The following ATF7IP variants were observed in gnomAD, a reference collection of about 807,000 sequenced individuals.
ATF7IP encodes activating transcription factor 7-interacting protein 1.
Under a neutral mutation model 106.4 loss-of-function variants are expected in ATF7IP, and 23 were observed. The observed-to-expected ratio is 0.22, with a 90% CI of 0.16 to 0.31. ATF7IP has a LOEUF of 0.31. Among genes scored for constraint, ATF7IP ranks in the 10% least tolerant of loss-of-function variants. ATF7IP has a pLI of 1.00. For synonymous variants in ATF7IP, 542 were observed against 539.0 expected (o/e 1.01, Z -0.08); for missense variants, 1,334 against 1,524.3 (o/e 0.88, Z 2.08).
At chr12:14,486,815 G>C (rs528788120) in intron 13 of ATF7IP, among the ~76,000 whole-genome samples, 40 of 152,006 alleles carry the variant, frequency 2.6e-4, no homozygotes, top group African/African-American at 9.2e-4. Context: ...AAATTTTGTA[G>C]TTCAGTGACT....
chr12:14,409,359 A>G (rs890462988), intron 1 of ATF7IP, among the ~76,000 whole-genome samples: 20 of 151,886 alleles, frequency 1.3e-4, no homozygotes, highest in African/African-American at 3.6e-4. Context: ...AAAAACATTT[A>G]TCATCATTAA....
At chr12:14,417,644 T>C (rs1425870796) in intron 1 of ATF7IP, among the ~76,000 whole-genome samples, 5 of 152,194 alleles carry the variant, frequency 3.3e-5, no homozygotes, top group Middle Eastern at 3.2e-3. Flanking sequence ...TATATTAATG[T>C]ATATTTCTTG....
At chr12:14,488,136 C>G (rs1944687408) in intron 13 of ATF7IP, among the ~76,000 whole-genome samples, 1 of 152,058 alleles carries the variant, frequency 6.6e-6, no homozygotes, top group Non-Finnish European at 1.5e-5. Flanking sequence ...ACCCCCAATC[C>G]TGGTACCAAA....
chr12:14,462,958 A>G (rs1425501031), intron 9 of ATF7IP, among the ~76,000 whole-genome samples: 1 of 152,062 alleles, frequency 6.6e-6, no homozygotes, highest in South Asian at 2.1e-4. Flanking sequence ...TATTTTTTTC[A>G]TAATGCTAAC....
At chr12:14,487,718 G>A (rs368954287) in intron 13 of ATF7IP, among the ~76,000 whole-genome samples, 34 of 152,282 alleles carry the variant, frequency 2.2e-4, no homozygotes, top group African/African-American at 7.7e-4. Flanking sequence ...CTCTATAGGA[G>A]ATAACTGTCT....
intron 1 of ATF7IP, chr12:14,395,108 T>A (rs925986320): frequency 1.3e-5 from 2 of 152,088 alleles, no homozygotes; most frequent in Admixed American, 6.5e-5. Flanking sequence ...GTTTTTTTTT[T>A]AATGAATATG....
chr12:14,426,823 C>CAAAAAAAAAAAAAAAA (rs1491532843), intron 2 of ATF7IP, among the ~76,000 whole-genome samples: 1 of 16,022 alleles, frequency 6.2e-5, no homozygotes. Flanking sequence ...GACCCTGCCT[C>CAAAAAAAAAAAAAAAA]AAAAAAAAAA....
At chr12:14,496,894 A>G (rs1945027678) in intron 14 of ATF7IP, among the ~76,000 whole-genome samples, 1 of 152,216 alleles carries the variant, frequency 6.6e-6, no homozygotes, top group African/African-American at 2.4e-5. Context: ...ATGATGTTCC[A>G]GTGTTAGAAA....
chr12:14,481,734 C>G (rs1944436570), intron 13 of ATF7IP: 1 of 272,514 alleles, frequency 3.7e-6, no homozygotes, highest in Non-Finnish European at 7.3e-6. Flanking sequence ...ATATTCTCTA[C>G]TCTATTAAGA....
intron 9 of ATF7IP, 134 bp from the exon 10 acceptor site, chr12:14,466,392 T>G: frequency 1.4e-6 from 1 of 698,874 alleles, no homozygotes; most frequent in Non-Finnish European, 2.5e-6. Context: ...TCTGTGAATT[T>G]GAGTTTTTAT....
At chr12:14,372,279 A>G (rs1591752389) in intron 1 of ATF7IP, among the ~76,000 whole-genome samples, 1 of 152,242 alleles carries the variant, frequency 6.6e-6, no homozygotes, top group South Asian at 2.1e-4. Context: ...TTCAGCTTGC[A>G]TGGTGGAAAC....
intron 7 of ATF7IP, 83 bp from the exon 8 acceptor site, chr12:14,457,124 G>C (rs1943458276): frequency 8.5e-7 from 1 of 1,180,632 alleles, no homozygotes; most frequent in Non-Finnish European, 1.2e-6. Context: ...TTTCCCCTGT[G>C]GGCCACTGCT....
chr12:14,421,891 C>T (rs1028006387), intron 1 of ATF7IP, among the ~76,000 whole-genome samples: 2 of 152,070 alleles, frequency 1.3e-5, no homozygotes, highest in African/African-American at 4.8e-5. Context: ...TTTTTCTAAG[C>T]GAGCTTCACT....
chr12:14,452,227 T>C (rs1459494813), intron 6 of ATF7IP, among the ~76,000 whole-genome samples: 1 of 152,206 alleles, frequency 6.6e-6, no homozygotes, highest in Non-Finnish European at 1.5e-5. Flanking sequence ...TCATTCTGTG[T>C]TGTATTTTGG....
At chr12:14,473,282 CTCTCTCTCTGTGTG>C (rs1565542509) in intron 10 of ATF7IP, among the ~76,000 whole-genome samples, 1 of 93,208 alleles carries the variant, frequency 1.1e-5, no homozygotes, top group African/African-American at 5.0e-5. Flanking sequence ...CGCGCTCTCT[CTCTCTCTCTGTGTG>C]TGTGTGTGTG....
intron 10 of ATF7IP, among the ~76,000 whole-genome samples, chr12:14,474,131 T>C (rs1483934059): frequency 6.6e-6 from 1 of 151,920 alleles, no homozygotes; most frequent in Non-Finnish European, 1.5e-5. Context: ...AGGGTTTTGC[T>C]GAACTGTTTC....
chr12:14,456,418 T>C, intron 6 of ATF7IP, 143 bp from the exon 7 acceptor site: 2 of 579,540 alleles, frequency 3.5e-6, no homozygotes, highest in South Asian at 4.6e-5. Flanking sequence ...AGATTCAAAT[T>C]ATTGTCTCAG....
intron 12 of ATF7IP, among the ~76,000 whole-genome samples, chr12:14,480,134 C>A (rs976932649): frequency 8.5e-5 from 13 of 152,058 alleles, no homozygotes; most frequent in Non-Finnish European, 1.9e-4. Flanking sequence ...TTTGTTATAG[C>A]CAGTATTTTC....
At chr12:14,444,990 G>GT (rs1206306341) in intron 5 of ATF7IP, among the ~76,000 whole-genome samples, 8,841 of 131,474 alleles carry the variant, frequency 0.067, 709 homozygotes, top group African/African-American at 0.17. Context: ...TAACCACCTA[G>GT]TTTTTTTTTT....
Sources: allele counts gnomAD v4.1 joint callset (sites outside exome capture counted in the v4.1 genomes callset), GRCh38; gene constraint gnomAD v4.1.1; transcripts MANE v1.5; gene names NCBI Gene and HGNC (gene_info 2026-07-23, HGNC 2026-07-21).